CHRAC1: variants seen among roughly 807,000 people sequenced by gnomAD.
The protein encoded by CHRAC1 is chromatin accessibility complex protein 1.
Under a neutral mutation model 9.1 loss-of-function variants are expected in CHRAC1, and 6 were observed. The observed-to-expected ratio is 0.66, with a 90% CI of 0.36 to 1.29. CHRAC1 has a LOEUF of 1.29. CHRAC1 is among the 50% of genes most tolerant of loss of function. The pLI, the probability that CHRAC1 is intolerant of heterozygous loss-of-function variation, is 0.03. For synonymous variants in CHRAC1, 73 were observed against 64.5 expected (o/e 1.13, Z -0.63); for missense variants, 168 against 163.5 (o/e 1.03, Z -0.15).
chr8:140,514,747 G>A (rs2072316847), intron 2 of CHRAC1: 2 of 393,432 alleles, frequency 5.1e-6, no homozygotes, highest in Non-Finnish European at 9.0e-6. Context: ...GCGTATGCTG[G>A]GCAGTCCTTT....
At chr8:140,512,309 C>T (rs929043070) in intron 1 of CHRAC1, among the ~76,000 whole-genome samples, 5 of 152,200 alleles carry the variant, frequency 3.3e-5, no homozygotes, top group Admixed American at 6.5e-5. Flanking sequence ...GCTCTTTTCC[C>T]GCGCGTGCGG....
chr8:140,516,560 A>G lies in CHRAC1; in HGVS notation c.*1313A>G, dbSNP rs901611416. ...TGACAAATGCATGGTTTTGTAACCA[A>G]TCGATAGGACAGTTCTGCCACCCAG... is the stretch of plus-strand genomic sequence containing the variant. On this transcript the variant is annotated 3_prime_UTR_variant, in exon 3 of 3. Transcript: ENST00000220913. 3 of 152,236 alleles carry G rather than the reference A, an allele frequency of 2.0e-5. No homozygotes were observed. The highest frequency in any genetic ancestry group is 6.5e-5 in the Admixed American group (1 of 15,290). 9.4% of individuals were successfully genotyped at this position (152,236 alleles called of 1,614,324 possible).
chr8:140,511,890 C>T (rs1193286619), intron 1 of CHRAC1: 18 of 892,538 alleles, frequency 2.0e-5, no homozygotes, highest in Non-Finnish European at 2.6e-5. Context: ...AGTTTCTTCG[C>T]CTCGCCTACC....
At chr8:140,513,323 T>A (rs1471444899) in intron 1 of CHRAC1, among the ~76,000 whole-genome samples, 1 of 152,278 alleles carries the variant, frequency 6.6e-6, no homozygotes, top group African/African-American at 2.4e-5. Flanking sequence ...ATGTAAGCTG[T>A]GGTCACTATA....
At position 140,512,116 on chromosome 8, in the gene CHRAC1, A is replaced by C. The variant is rs980980730; in HGVS notation, c.147+470A>C. ...CGTGCGGCGCTCAGTTTCCGGCCCT[A>C]CCCGTGGGCGTCGGCGCCTAGTGGC... On this transcript the variant is annotated intron_variant, in intron 1 of 2. Transcript: ENST00000220913. The C allele has an allele frequency of 1.2e-5, 11 of 946,136 alleles. No individual in the cohort carries two copies. The Admixed American group carries it at 1.7e-4, about 14-fold the overall frequency. The allele number at this position is 946,136 out of a possible 1,614,324, so 58.6% of individuals were successfully genotyped here. A position where few individuals can be genotyped will look rare whatever the true frequency, so the allele number is the denominator to read the frequency against.
rs1276834601 is a variant in CHRAC1 at position 140,515,511 on chromosome 8, G to A, written c.*264G>A. 1.1e-5 allele frequency: 3 copies of A among 277,334 alleles called. No homozygotes were observed. The highest frequency in any genetic ancestry group is 1.0e-3 in the Middle Eastern group (1 of 1,002). 17.2% of individuals were successfully genotyped at this position (277,334 alleles called of 1,614,324 possible). A position where few individuals can be genotyped will look rare whatever the true frequency, so the allele number is the denominator to read the frequency against. On this transcript the variant is annotated 3_prime_UTR_variant, in exon 3 of 3. Transcript: ENST00000220913. ...CAGCTCAGGCACCAAGAAAACAGCC[G>A]ATACTGGCAGCCATTGCAGCTCCAA... is the stretch of plus-strand genomic sequence containing the variant.
intron 1 of CHRAC1, chr8:140,511,849 G>GCCCACCCCTCGCCGCT (rs1354410520): frequency 2.3e-5 from 15 of 652,080 alleles, no homozygotes; most frequent in Middle Eastern, 3.8e-4. Context: ...TCTTCGCCCC[G>GCCCACCCCTCGCCGCT]CCCACCCCTC....
At position 140,511,601 on chromosome 8, in the gene CHRAC1, G is replaced by C; in HGVS notation, c.102G>C (p.Val34=). ...IRVIMKSSPE[V]SSINQEALVL... is the part of the protein sequence containing the mutation. The stretch of plus-strand genomic sequence containing the variant: ...TCATCATGAAGAGCTCCCCCGAGGT[G>C]TCCAGCATCAACCAGGAGGCGTTGG... Residue 34 remains valine, a synonymous_variant, in exon 1 of 3, where the codon GTG becomes GTC. Coordinates refer to ENST00000220913, the MANE Select transcript of CHRAC1 (RefSeq NM_017444.6). 2 of 1,480,396 alleles carry C rather than the reference G, an allele frequency of 1.4e-6. No homozygotes were observed. Among genetic ancestry groups the C allele is most frequent in the South Asian group, 2.7e-5 (2 of 73,158 alleles). 91.7% of individuals were successfully genotyped at this position (1,480,396 alleles called of 1,614,324 possible).
chr8:140,511,367 G>GGCCTCGCC lies in CHRAC1; in HGVS notation c.-132_-125dup, dbSNP rs1279197461. On this transcript the variant is annotated 5_prime_UTR_variant, in exon 1 of 3. Coordinates refer to ENST00000220913, the MANE Select transcript of CHRAC1 (RefSeq NM_017444.6). The stretch of plus-strand genomic sequence containing the variant: ...CCGGACGGGCCGCTCCCGGCCTCGC[G>GGCCTCGCC]GCCTCGCCTCCCCACACTACAACTC... 2.3e-5 allele frequency: 18 copies of GGCCTCGCC among 782,464 alleles called. No homozygotes were observed. Among genetic ancestry groups the GGCCTCGCC allele is most frequent in the Non-Finnish European group, 3.1e-5 (18 of 572,546 alleles). 48.5% of individuals were successfully genotyped at this position (782,464 alleles called of 1,614,324 possible).
rs1168589542 is a variant in CHRAC1, at chr8:140,515,738, T to C, written c.*491T>C. The C allele has an allele frequency of 1.3e-5, 2 of 152,628 alleles. No individual in the cohort carries two copies. The highest frequency in any genetic ancestry group is 4.8e-5 in the African/African-American group (2 of 41,464). 9.5% of individuals were successfully genotyped at this position (152,628 alleles called of 1,614,324 possible). ...TTAAGAAAAGTTGACTGTTCAGATATTTTTCTACTGTAAAGAAATATACTT... is the reference window on the plus strand; with the variant it reads ...TTAAGAAAAGTTGACTGTTCAGATACTTTTCTACTGTAAAGAAATATACTT... On this transcript the variant is annotated 3_prime_UTR_variant, in exon 3 of 3. Transcript: ENST00000220913.
Position 140,516,770 on chromosome 8 carries a change from A to G in CHRAC1, c.*1523A>G, listed in dbSNP as rs1280845479. On this transcript the variant is annotated 3_prime_UTR_variant, in exon 3 of 3. Transcript: ENST00000220913. ...ACTACCACCACCACAATTAACAGCT[A>G]TATCACCCTCCAGTAAATTCCCTGT... 1.3e-5 allele frequency: 2 copies of G among 152,194 alleles called. No homozygotes were observed. Among genetic ancestry groups the G allele is most frequent in the Admixed American group, 6.5e-5 (1 of 15,268 alleles). The allele number at this position is 152,194 out of a possible 1,614,324, so 9.4% of individuals were successfully genotyped here.
intron 1 of CHRAC1, chr8:140,511,964 C>G (rs2072280676): frequency 7.7e-7 from 1 of 1,297,634 alleles, no homozygotes; most frequent in African/African-American, 1.5e-5. Context: ...CCGTGCGCAC[C>G]TTCGCCCCGC....
Position 140,516,043 on chromosome 8 carries a change from A to G in CHRAC1, c.*796A>G, listed in dbSNP as rs555003038. The G allele has an allele frequency of 6.6e-6, 1 of 152,314 alleles. No homozygotes were observed. Among genetic ancestry groups the G allele is most frequent in the South Asian group, 2.1e-4 (1 of 4,828 alleles). 9.4% of individuals were successfully genotyped at this position (152,314 alleles called of 1,614,324 possible). ...CTCTCATCTTACTGTTCTTTGCTTTAAATTCCTGGCACTTCTTTTTACTGT... is the reference window on the plus strand; with the variant it reads ...CTCTCATCTTACTGTTCTTTGCTTTGAATTCCTGGCACTTCTTTTTACTGT... On this transcript the variant is annotated 3_prime_UTR_variant, in exon 3 of 3. Coordinates refer to ENST00000220913, the MANE Select transcript of CHRAC1 (RefSeq NM_017444.6).
intron 1 of CHRAC1, chr8:140,512,034 C>T: frequency 7.8e-7 from 1 of 1,285,750 alleles, no homozygotes; most frequent in South Asian, 1.2e-5. Context: ...CCGTAAGCTC[C>T]CGCGTTCCTC....
intron 1 of CHRAC1, chr8:140,511,963 C>T (rs1033636981): frequency 2.3e-6 from 3 of 1,293,850 alleles, no homozygotes; most frequent in Non-Finnish European, 2.0e-6. Context: ...TCCGTGCGCA[C>T]CTTCGCCCCG....
At chr8:140,511,812 C>T (rs2072278287) in intron 1 of CHRAC1, 166 bp downstream of exon 1, 2 of 776,016 alleles carry the variant, frequency 2.6e-6, no homozygotes, top group Non-Finnish European at 2.0e-6. Flanking sequence ...GCTTCGGTGC[C>T]CGCGCGCCCC....
In CHRAC1 at chr8:140,511,497, A is replaced by T; in HGVS notation, c.-3A>T. ...TGCGGGCACCCGCGCGACGGGCGGG[A>T]AGATGGCGGACGTGGTCGTGGGTAA... On this transcript the variant is annotated 5_prime_UTR_variant, in exon 1 of 3. Transcript: ENST00000220913. 7.6e-7 allele frequency: 1 copy of T among 1,322,146 alleles called. No homozygotes were observed. The highest frequency in any genetic ancestry group is 3.1e-5 in the East Asian group (1 of 31,752). The allele number at this position is 1,322,146 out of a possible 1,614,324, so 81.9% of individuals were successfully genotyped here.
At position 140,511,456 on chromosome 8, in the gene CHRAC1, G is replaced by C. The variant is rs759394242; in HGVS notation, c.-44G>C. ...TGGCCGGGCAGGGCAGCCACTTCGC[G>C]GTCGGGCCCGCCGGCTGCGGGCACC... On this transcript the variant is annotated 5_prime_UTR_variant, in exon 1 of 3. Coordinates refer to ENST00000220913, the MANE Select transcript of CHRAC1 (RefSeq NM_017444.6). The C allele has an allele frequency of 7.7e-7, 1 of 1,290,800 alleles. No homozygotes were observed. The highest frequency in any genetic ancestry group is 9.9e-7 in the Non-Finnish European group (1 of 1,007,930). The allele number at this position is 1,290,800 out of a possible 1,614,324, so 80.0% of individuals were successfully genotyped here.
intron 1 of CHRAC1, chr8:140,511,900 C>T: frequency 2.1e-6 from 2 of 974,536 alleles, no homozygotes; most frequent in Non-Finnish European, 1.5e-6. Context: ...CCTCGCCTAC[C>T]GCGCGCCTCT....
Sources: allele counts gnomAD v4.1 joint callset (sites outside exome capture counted in the v4.1 genomes callset), GRCh38; gene constraint gnomAD v4.1.1; transcripts MANE v1.5; gene names NCBI Gene and HGNC (gene_info 2026-07-23, HGNC 2026-07-21).